FCHSD2: variants seen among roughly 807,000 people sequenced by gnomAD.
FCHSD2 encodes the protein FCH and double SH3 domains 2.
In FCHSD2, 38 loss-of-function variants were observed where a neutral mutation model predicts 108.1. The ratio of observed to expected loss-of-function variants is 0.35; its 90% CI spans 0.27 to 0.46. The LOEUF is 0.46. Among genes scored for constraint, FCHSD2 ranks in the 20% least tolerant of loss-of-function variants. The pLI is 1.00. For synonymous variants in FCHSD2, 279 were observed against 314.7 expected (o/e 0.89, Z 1.20); for missense variants, 751 against 897.8 (o/e 0.84, Z 2.09).
At chr11:72,964,159 G>A (rs1396797304) in intron 8 of FCHSD2, among the ~76,000 whole-genome samples, 1 of 152,176 alleles carries the variant, frequency 6.6e-6, no homozygotes, top group African/African-American at 2.4e-5. Context: ...TTGAAATGAT[G>A]TAACAGAAAT....
rs912052135 is a variant in FCHSD2, at chr11:72,961,502, C to T, written c.705+22586G>A. 2.0e-5 allele frequency among the ~76,000 whole-genome samples: 3 copies of T among 152,056 alleles called. No individual in the cohort carries two copies. The South Asian group carries it at 6.2e-4, about 31-fold the overall frequency. On this transcript the variant is annotated intron_variant, in intron 8 of 19. Transcript: ENST00000409418. The stretch of plus-strand genomic sequence containing the variant: ...AACTCCTGGCCTCAAGTGATTCTCC[C>T]GTCTTGGCCTCCTAAAGTGCTATGA...
Position 73,142,165 on chromosome 11 carries a change from G to A in FCHSD2, c.-288C>T, listed in dbSNP as rs1327348128. ...GGAGGCGGAGACGGCGAGGGGGCGGGGGCCCCAGGAGCAGGGGCGCGAGGG... is the reference window on the plus strand; with the variant it reads ...GGAGGCGGAGACGGCGAGGGGGCGGAGGCCCCAGGAGCAGGGGCGCGAGGG... On this transcript the variant is annotated 5_prime_UTR_variant, in exon 1 of 20. Transcript: ENST00000409418. 1.6e-5 allele frequency: 4 copies of A among 246,352 alleles called. No individual in the cohort carries two copies. Among genetic ancestry groups the A allele is most frequent in the Non-Finnish European group, 3.1e-5 (4 of 128,520 alleles). The allele number at this position is 246,352 out of a possible 1,614,324, so 15.3% of individuals were successfully genotyped here. A position where few individuals can be genotyped will look rare whatever the true frequency, so the allele number is the denominator to read the frequency against.
intron 2 of FCHSD2, among the ~76,000 whole-genome samples, chr11:73,085,067 A>C (rs887964995): frequency 1.3e-5 from 2 of 152,298 alleles, no homozygotes; most frequent in Admixed American, 6.5e-5. Flanking sequence ...TTCTTATATA[A>C]AAATATAACT....
chr11:73,120,758 A>T (rs1429114259), intron 2 of FCHSD2, among the ~76,000 whole-genome samples: 2 of 151,936 alleles, frequency 1.3e-5, no homozygotes, highest in African/African-American at 2.4e-5. Context: ...AACAAAAATT[A>T]AAAAAAGAAA....
intron 10 of FCHSD2, among the ~76,000 whole-genome samples, chr11:72,897,146 A>T (rs1855438321): frequency 1.3e-5 from 2 of 152,082 alleles, no homozygotes; most frequent in South Asian, 4.1e-4. Context: ...CTGTGGAAAG[A>T]TTTTAAGAAG....
chr11:72,924,161 AAAC>A (rs1466780054), intron 8 of FCHSD2, among the ~76,000 whole-genome samples: 2 of 152,128 alleles, frequency 1.3e-5, no homozygotes, highest in African/African-American at 4.8e-5. Flanking sequence ...GGCTGGACTC[AAAC>A]TTCTGGGTTC....
At chr11:73,119,920 C>T (rs1455736816) in intron 2 of FCHSD2, among the ~76,000 whole-genome samples, 1 of 152,120 alleles carries the variant, frequency 6.6e-6, no homozygotes, top group East Asian at 1.9e-4. Context: ...GGGCAATTTA[C>T]AAAAGAAAGA....
chr11:72,903,681 C>T (rs1488415284), intron 9 of FCHSD2, among the ~76,000 whole-genome samples: 2 of 152,122 alleles, frequency 1.3e-5, no homozygotes, highest in East Asian at 1.9e-4. Context: ...TACCATATCG[C>T]TTACCCCTTA....
At chr11:72,924,724 C>G (rs1856043299) in intron 8 of FCHSD2, among the ~76,000 whole-genome samples, 1 of 149,002 alleles carries the variant, frequency 6.7e-6, no homozygotes, top group Non-Finnish European at 1.5e-5. Context: ...CCCAAAAGCA[C>G]TGAGTAATAA....
At chr11:72,905,086 T>C (rs1043108218) in intron 9 of FCHSD2, among the ~76,000 whole-genome samples, 2 of 152,206 alleles carry the variant, frequency 1.3e-5, no homozygotes, top group Non-Finnish European at 2.9e-5. Flanking sequence ...CATGTCCTAA[T>C]TCCCAAAACC....
intron 2 of FCHSD2, among the ~76,000 whole-genome samples, chr11:73,112,150 C>CT (rs1254585729): frequency 1.3e-5 from 2 of 152,178 alleles, no homozygotes; most frequent in African/African-American, 4.8e-5. Context: ...AAAGAACTCC[C>CT]TTTAGCATTT....
At chr11:73,046,675 A>G (rs1231282225) in intron 3 of FCHSD2, among the ~76,000 whole-genome samples, 1 of 152,244 alleles carries the variant, frequency 6.6e-6, no homozygotes, top group Non-Finnish European at 1.5e-5. Context: ...AGCCATTTTC[A>G]GAACTGCTAA....
At chr11:72,912,878 T>A (rs1349506191) in intron 9 of FCHSD2, among the ~76,000 whole-genome samples, 3 of 152,186 alleles carry the variant, frequency 2.0e-5, no homozygotes, top group Non-Finnish European at 4.4e-5. Context: ...ATTCTCACAT[T>A]GCTATAATGA....
chr11:72,912,848 C>T (rs1450377808), intron 9 of FCHSD2, among the ~76,000 whole-genome samples: 1 of 152,164 alleles, frequency 6.6e-6, no homozygotes, highest in Admixed American at 6.6e-5. Flanking sequence ...ATGGCTCAAT[C>T]TTGGTAGGTG....
At chr11:73,109,425 C>A (rs779424452) in intron 2 of FCHSD2, among the ~76,000 whole-genome samples, 1 of 150,388 alleles carries the variant, frequency 6.6e-6, no homozygotes, top group Non-Finnish European at 1.5e-5. Context: ...GTTTTCATTG[C>A]AGAGATCTTT....
At chr11:73,020,564 CTA>C (rs1446502151) in intron 3 of FCHSD2, among the ~76,000 whole-genome samples, 1 of 152,092 alleles carries the variant, frequency 6.6e-6, no homozygotes, top group African/African-American at 2.4e-5. Flanking sequence ...ATTACCTTTA[CTA>C]TATTCTTAAA....
At chr11:73,082,119 C>T (rs189081339) in intron 3 of FCHSD2, among the ~76,000 whole-genome samples, 1 of 151,952 alleles carries the variant, frequency 6.6e-6, no homozygotes. Context: ...AGGCGGATCA[C>T]GTGGTCAAGA....
In FCHSD2 at chr11:73,020,639, A is replaced by G. The variant is rs560557945; in HGVS notation, c.166-4754T>C. ...AAAGGAAAGTTTTAAAATATTCTTC[A>G]TTGTTCTGTGTGGTATATGATTATG... On this transcript the variant is annotated intron_variant, in intron 3 of 19. Coordinates refer to ENST00000409418, the MANE Select transcript of FCHSD2 (RefSeq NM_014824.3). Among the ~76,000 whole-genome samples, 3 of 152,104 alleles carry G rather than the reference A, an allele frequency of 2.0e-5. No homozygotes were observed. In the South Asian group the frequency reaches 6.2e-4, roughly 32 times the overall value.
At chr11:73,141,586 G>A (rs1025491602) in intron 1 of FCHSD2, among the ~76,000 whole-genome samples, 1 of 152,308 alleles carries the variant, frequency 6.6e-6, no homozygotes, top group East Asian at 1.9e-4. Context: ...ATTGCCATGC[G>A]CGCGCACACA....
Sources: gnomAD v4.1 joint callset for allele counts (sites outside exome capture counted in the v4.1 genomes callset) on GRCh38, gnomAD v4.1.1 for gene constraint, MANE v1.5 for transcripts, NCBI Gene and HGNC (gene_info 2026-07-23, HGNC 2026-07-21) for gene names.